PCDH11X: variants seen among roughly 807,000 people sequenced by gnomAD.
PCDH11X encodes protocadherin-11 X-linked.
PCDH11X carries 18 observed loss-of-function variants against 53.3 expected under a neutral mutation model. That is an observed-to-expected ratio of 0.34 (90% CI 0.23 to 0.50). PCDH11X has a LOEUF of 0.50. PCDH11X is among the 20% of genes least tolerant of loss of function. PCDH11X has a pLI of 0.98. For synonymous variants in PCDH11X, 279 were observed against 393.3 expected, an observed-to-expected ratio of 0.71 and a Z score of 3.44; for missense variants, 570 against 1,032.4, an observed-to-expected ratio of 0.55 and a Z score of 6.14.
intron 6 of PCDH11X, among the ~76,000 whole-genome samples, chrX:92,073,644 A>C (rs1336249198): frequency 8.9e-6 from 1 of 112,550 alleles, no homozygotes; most frequent in Non-Finnish European, 1.9e-5. Context: ...GTATGTATGA[A>C]TATATGCAGG....
At chrX:92,253,080 A>G (rs1285831231) in intron 7 of PCDH11X, among the ~76,000 whole-genome samples, 5 of 111,881 alleles carry the variant, frequency 4.5e-5, no homozygotes, top group Non-Finnish European at 9.4e-5. Flanking sequence ...AGGATAAAGA[A>G]GGAGTATTTT....
intron 7 of PCDH11X, among the ~76,000 whole-genome samples, chrX:92,259,517 A>T (rs773101070): frequency 9.0e-6 from 1 of 111,288 alleles, no homozygotes. Context: ...CTCACTCACT[A>T]TCATGAGAAC....
chrX:92,122,829 C>T (rs1371164238), intron 6 of PCDH11X, among the ~76,000 whole-genome samples: 2 of 110,490 alleles, frequency 1.8e-5, no homozygotes, highest in Non-Finnish European at 3.8e-5. Context: ...TCCAGCTACT[C>T]GGGAGGCTGA....
At chrX:92,535,006 T>C (rs2074630923) in intron 10 of PCDH11X, among the ~76,000 whole-genome samples, 2 of 111,183 alleles carry the variant, frequency 1.8e-5, no homozygotes, top group South Asian at 7.6e-4. Context: ...CGGCAACTAC[T>C]AAAAAGTCAA....
At chrX:91,819,931 T>C (rs1936594159) in intron 4 of PCDH11X, among the ~76,000 whole-genome samples, 1 of 99,704 alleles carries the variant, frequency 1.0e-5, no homozygotes, top group Non-Finnish European at 2.0e-5. Flanking sequence ...GTTTGGTTTT[T>C]TGTTCTTGCG....
At chrX:92,210,519 A>T (rs1394930640) in intron 7 of PCDH11X, among the ~76,000 whole-genome samples, 1 of 110,660 alleles carries the variant, frequency 9.0e-6, no homozygotes, top group Non-Finnish European at 1.9e-5. Flanking sequence ...GATTACAGGC[A>T]TGAGCAACTG....
chrX:92,268,045 CAT>C (rs2067870936), intron 8 of PCDH11X, among the ~76,000 whole-genome samples: 1 of 112,165 alleles, frequency 8.9e-6, no homozygotes, highest in African/African-American at 3.2e-5. Flanking sequence ...ATTTGGGAGA[CAT>C]ATTCAAACCA....
At chrX:92,385,345 C>G (rs2070989086) in intron 8 of PCDH11X, among the ~76,000 whole-genome samples, 1 of 103,168 alleles carries the variant, frequency 9.7e-6, no homozygotes, top group African/African-American at 3.6e-5. Flanking sequence ...TTCCTCTTTT[C>G]ACTGTGGGTT....
chrX:91,830,817 A>C, intron 4 of PCDH11X, among the ~76,000 whole-genome samples: 1 of 111,484 alleles, frequency 9.0e-6, no homozygotes, highest in Non-Finnish European at 1.9e-5. Context: ...GTAATACTTA[A>C]ATTTGTACTA....
Position 92,526,919 on chromosome X carries a change from G to C in PCDH11X, c.3367+58597G>C, listed in dbSNP as rs543957188. ...CAGATGAATGGAGAAAGAAAATGTG[G>C]TACATACACACAGTGGTATACTATT... On this transcript the variant is annotated intron_variant, in intron 10 of 10. Coordinates refer to ENST00000682573, the MANE Select transcript of PCDH11X (RefSeq NM_032968.5). 1.6e-4 allele frequency among the ~76,000 whole-genome samples: 18 copies of C among 110,080 alleles called. No individual in the cohort carries two copies. The South Asian group carries it at 6.6e-3, about 41-fold the overall frequency.
At chrX:92,232,079 A>T (rs2067085075) in intron 7 of PCDH11X, among the ~76,000 whole-genome samples, 1 of 112,214 alleles carries the variant, frequency 8.9e-6, no homozygotes, top group Admixed American at 9.5e-5. Flanking sequence ...AATTCATTTG[A>T]TATTCATTTA....
intron 6 of PCDH11X, among the ~76,000 whole-genome samples, chrX:91,882,184 G>A (rs1432447746): frequency 4.5e-5 from 5 of 110,723 alleles, no homozygotes; most frequent in Admixed American, 1.9e-4. Context: ...TATAATGGTC[G>A]TCTTTGGCAT....
chrX:92,225,948 CA>C (rs1280467793), intron 7 of PCDH11X, among the ~76,000 whole-genome samples: 1 of 111,543 alleles, frequency 9.0e-6, no homozygotes, highest in African/African-American at 3.3e-5. Context: ...TTTTGGGGAA[CA>C]AGTATGAGAG....
intron 6 of PCDH11X, among the ~76,000 whole-genome samples, chrX:92,104,218 G>A (rs1293972001): frequency 9.0e-6 from 1 of 110,637 alleles, no homozygotes; most frequent in African/African-American, 3.3e-5. Context: ...GAGGGGAGGC[G>A]ATAAAAAGAT....
At chrX:92,238,553 G>A (rs1477785611) in intron 7 of PCDH11X, among the ~76,000 whole-genome samples, 6 of 110,774 alleles carry the variant, frequency 5.4e-5, no homozygotes, top group Non-Finnish European at 9.5e-5. Flanking sequence ...GATAATATAG[G>A]TAACACAAGG....
chrX:91,969,487 A>T (rs765820746), intron 6 of PCDH11X, among the ~76,000 whole-genome samples: 102 of 110,538 alleles, frequency 9.2e-4, no homozygotes, highest in Non-Finnish European at 1.7e-3. Context: ...GCGTCAAGGT[A>T]GTGAAGATGA....
intron 6 of PCDH11X, among the ~76,000 whole-genome samples, chrX:91,988,528 A>G (rs1468178608): frequency 8.9e-6 from 1 of 112,792 alleles, no homozygotes; most frequent in Non-Finnish European, 1.9e-5. Flanking sequence ...TGCAGTAATT[A>G]CATTACCTAT....
chrX:92,581,185 A>G (rs1280078945), intron 10 of PCDH11X, among the ~76,000 whole-genome samples: 1 of 111,994 alleles, frequency 8.9e-6, no homozygotes, highest in Non-Finnish European at 1.9e-5. Context: ...ACATTGACCT[A>G]CTTGGATACT....
intron 6 of PCDH11X, among the ~76,000 whole-genome samples, chrX:91,958,800 C>T (rs1166583700): frequency 1.1e-4 from 12 of 109,480 alleles, no homozygotes; most frequent in Non-Finnish European, 1.5e-4. Flanking sequence ...GTGTTTTTTG[C>T]GACATTTTTA....
Sources: allele counts gnomAD v4.1 joint callset (sites outside exome capture counted in the v4.1 genomes callset), GRCh38; gene constraint gnomAD v4.1.1; transcripts MANE v1.5; gene names NCBI Gene and HGNC (gene_info 2026-07-23, HGNC 2026-07-21).